Variants in MUC17 observed in about 807,000 individuals in gnomAD.
MUC17 encodes mucin-17.
MUC17 carries 190 observed loss-of-function variants against 170.3 expected under a neutral mutation model. The observed-to-expected ratio is 1.12, with a 90% confidence interval of 0.99 to 1.26. MUC17 has a LOEUF of 1.26. Among genes scored for constraint, MUC17 ranks in the 50% most tolerant of loss-of-function variants. The pLI, the probability that MUC17 is intolerant of heterozygous loss-of-function variation, is 0.00. For missense variants in MUC17, 6,415 were observed against 5,530.0 expected (o/e 1.16, Z -5.08); for synonymous variants, 2,325 against 2,002.5 (o/e 1.16, Z -4.30).
rs745773871 is a variant in MUC17 at position 101,040,187 on chromosome 7, G to GT, written c.8772dup (p.Glu2925Ter). On this transcript the variant is annotated frameshift_variant, in exon 3 of 13. Transcript: ENST00000306151. LOFTEE classifies it high-confidence loss of function. ...ACCAGCATGCCAATCTCAACTCCTA[G>GT]TGAAGTAAGTACTCCATTAACAAGT... 12 of 1,612,876 alleles carry GT rather than the reference G, an allele frequency of 7.4e-6. No homozygotes were observed. The South Asian group carries it at 1.2e-4, about 16-fold the overall frequency.
rs73402901 is a variant in MUC17 at position 101,041,394 on chromosome 7, C to T, written c.9978C>T (p.Asp3326=). The T allele has an allele frequency of 1.9e-3, 3,110 of 1,611,448 alleles. 48 individuals carry two copies. The African/African-American group carries it at 0.033, about 17-fold the overall frequency. The part of the protein sequence containing the change: ...SQASSSPPIA[D]GTSMPTSTYS... ...CCAGTTCATCTCCTCCAATTGCTGA[C>T]GGTACTAGCATGCCAACCTCAACTT... Residue 3326 remains aspartate (D), a synonymous_variant, in exon 3 of 13, where the codon GAC becomes GAT. Transcript: ENST00000306151.
At chr7:101,049,145 C>T (rs1430437486) in intron 5 of MUC17, among the ~76,000 whole-genome samples, 173 bp downstream of exon 5, 1 of 152,170 alleles carries the variant, frequency 6.6e-6, no homozygotes, top group Non-Finnish European at 1.5e-5. Flanking sequence ...CCAGGTTTTA[C>T]CTGGGGGCTG....
chr7:101,046,437 C>T lies in MUC17; in HGVS notation c.12404-1547C>T, dbSNP rs1005666250. ...TAGAGTTGGCTATCACTACTTCCTA[C>T]CTATTTAAACTAAGAGGAGTTTATT... On this transcript the variant is annotated intron_variant, in intron 3 of 12. Coordinates refer to ENST00000306151, the MANE Select transcript of MUC17 (RefSeq NM_001040105.2). Among the ~76,000 whole-genome samples, 4 of 152,288 alleles carry T rather than the reference C, an allele frequency of 2.6e-5. No individual in the cohort carries two copies. In the East Asian group the frequency reaches 7.7e-4, roughly 29 times the overall value.
In MUC17 at chr7:101,042,839, C is replaced by G; in HGVS notation, c.11423C>G (p.Thr3808Ser). ...LEGTTTMPMS[T>S]TSERSTLLTT... is the part of the protein sequence containing the mutation. The stretch of plus-strand genomic sequence containing the variant: ...GGCACCACCACCATGCCTATGTCAA[C>G]TACGAGTGAAAGAAGCACTTTATTG... The change falls in exon 3 of 13, where the codon ACT (threonine) becomes AGT (serine). Residue 3808 changes from threonine to serine, a missense_variant. By Grantham distance (58) the Thr-to-Ser change is moderately conservative (BLOSUM62 1). Transcript: ENST00000306151. 1.2e-6 allele frequency: 2 copies of G among 1,614,180 alleles called. No individual in the cohort carries two copies. Among genetic ancestry groups the G allele is most frequent in the Non-Finnish European group, 1.7e-6 (2 of 1,180,024 alleles).
intron 1 of MUC17, among the ~76,000 whole-genome samples, chr7:101,028,902 A>G (rs768366180): frequency 4.1e-4 from 62 of 150,194 alleles, no homozygotes; most frequent in Non-Finnish European, 5.0e-4. Flanking sequence ...AAATTAATAA[A>G]TAAGTCCGGA....
intron 3 of MUC17, 44 bp from the exon 4 acceptor site, chr7:101,047,940 C>G: frequency 6.5e-7 from 1 of 1,533,628 alleles, no homozygotes; most frequent in South Asian, 1.3e-5. Context: ...TGAGGTGCCT[C>G]AATGGAGGAA....
In MUC17 at chr7:101,037,089, C is replaced by G; in HGVS notation, c.5673C>G (p.Pro1891=). ...SSETNTLSTT[P]AVTSTPVTTY... ...AAACCAACACCCTTTCAACAACTCC[C>G]GCTGTCACCAGCACACCTGTGACCA... The change falls in exon 3 of 13, where the codon CCC becomes CCG. Residue 1891 remains proline, a synonymous_variant. Transcript: ENST00000306151. The G allele has an allele frequency of 1.9e-6, 3 of 1,572,266 alleles. No individual in the cohort carries two copies. The highest frequency in any genetic ancestry group is 3.0e-5 in the African/African-American group (2 of 67,490).
chr7:101,041,938 C>A lies in MUC17; in HGVS notation c.10522C>A (p.Pro3508Thr), dbSNP rs113518144. Residue 3508 changes from proline to threonine, a missense_variant, in exon 3 of 13, where the codon CCA becomes ACA. Pro to Thr is a conservative substitution (Grantham distance 38). Coordinates refer to ENST00000306151, the MANE Select transcript of MUC17 (RefSeq NM_001040105.2). The part of the protein sequence containing the change: ...SPTTAEVTSM[P>T]TSTAGEGSTP... The stretch of plus-strand genomic sequence containing the variant: ...TACAACTGCTGAAGTTACCAGCATG[C>A]CAACATCAACTGCTGGTGAAGGAAG... The A allele has an allele frequency of 2.0e-3, 3,297 of 1,613,462 alleles. 66 individuals carry two copies. The African/African-American group carries it at 0.039, about 19-fold the overall frequency.
chr7:101,028,726 A>AG (rs1562801623), intron 1 of MUC17, among the ~76,000 whole-genome samples: 1 of 151,930 alleles, frequency 6.6e-6, no homozygotes, highest in Non-Finnish European at 1.5e-5. Context: ...AAAAAAAAAA[A>AG]ACTTTTAAAA....
At position 101,058,246 on chromosome 7, in the gene MUC17, G is replaced by A. The variant is rs926773317; in HGVS notation, c.*202G>A. The stretch of plus-strand genomic sequence containing the variant: ...ATAGAAACCCGTGGACGCTCCAATG[G>A]GCTTGTCATGATATCAGGCTAGGCT... On this transcript the variant is annotated 3_prime_UTR_variant, in exon 13 of 13. Transcript: ENST00000306151. The A allele has an allele frequency of 6.0e-5, 26 of 430,950 alleles. No homozygotes were observed. Among genetic ancestry groups the A allele is most frequent in the Non-Finnish European group, 1.1e-4 (26 of 240,056 alleles). 26.7% of individuals were successfully genotyped at this position (430,950 alleles called of 1,614,324 possible).
chr7:101,051,466 C>T (rs965608118), intron 7 of MUC17, 147 bp from the exon 8 acceptor site: 13 of 667,742 alleles, frequency 1.9e-5, no homozygotes, highest in Non-Finnish European at 3.1e-5. Context: ...TCACTGGACG[C>T]GAGGCTGATG....
intron 1 of MUC17, among the ~76,000 whole-genome samples, chr7:101,026,202 G>A (rs1794175920): frequency 6.6e-6 from 1 of 152,220 alleles, no homozygotes; most frequent in African/African-American, 2.4e-5. Flanking sequence ...TGGAGTGAAG[G>A]TGCTCACGGG....
rs758786108 is a variant in MUC17, at chr7:101,034,292, C to T, written c.2876C>T (p.Thr959Ile). 17 of 1,610,178 alleles carry T rather than the reference C, an allele frequency of 1.1e-5. No homozygotes were observed. The Middle Eastern group carries it at 5.0e-4, about 47-fold the overall frequency. Residue 959 changes from threonine to isoleucine, a missense_variant, in exon 3 of 13, where the codon ACT becomes ATT. By Grantham distance (89) the Thr-to-Ile change is moderately conservative. Transcript: ENST00000306151. ...VDTSTPVTTS[T>I]EATSSPTTAE... ...ACCAGCACACCTGTGACCACTTCTA[C>T]TGAAGCCACTTCATCTCCTACAACT...
rs1444951723 is a variant in MUC17, at chr7:101,041,577, C to A, written c.10161C>A (p.Thr3387=). The change falls in exon 3 of 13, where the codon ACC becomes ACA. Residue 3387 remains threonine, a synonymous_variant. Coordinates refer to ENST00000306151, the MANE Select transcript of MUC17 (RefSeq NM_001040105.2). The part of the protein sequence containing the change: ...ASLSPTTAEG[T]SIPTSSPSEG... ...TATCTCCTACAACTGCTGAAGGTACCAGCATACCAACCTCAAGTCCTAGTG... is the reference window on the plus strand; with the variant it reads ...TATCTCCTACAACTGCTGAAGGTACAAGCATACCAACCTCAAGTCCTAGTG... 2.5e-6 allele frequency: 4 copies of A among 1,613,200 alleles called. No individual in the cohort carries two copies. The highest frequency in any genetic ancestry group is 1.1e-5 in the South Asian group (1 of 91,054).
Position 101,033,490 on chromosome 7 carries a change from A to G in MUC17, c.2074A>G (p.Ser692Gly), listed in dbSNP as rs1794357356. The G allele has an allele frequency of 2.5e-6, 4 of 1,613,848 alleles. No homozygotes were observed. Among genetic ancestry groups the G allele is most frequent in the East Asian group, 4.5e-5 (2 of 44,848 alleles). Reference sequence around the variant, plus strand: ...TACTGAAGGAAGCACTCCATTAACAAGTATGCCTGTCAACACCACACTGGT... The same window carrying G: ...TACTGAAGGAAGCACTCCATTAACAGGTATGCCTGTCAACACCACACTGGT... ...TYTEGSTPLT[S>G]MPVNTTLVAS... is the part of the protein sequence containing the mutation. The change falls in exon 3 of 13, where the codon AGT becomes GGT. Residue 692 changes from serine (S) to glycine (G), a missense_variant. Physicochemically the swap from Ser to Gly is moderately conservative, Grantham distance 56. Coordinates refer to ENST00000306151, the MANE Select transcript of MUC17 (RefSeq NM_001040105.2).
In MUC17 at chr7:101,024,645, A is replaced by G. The variant is rs114915714; in HGVS notation, c.82+4428A>G. Among the ~76,000 whole-genome samples, 846 of 150,456 alleles carry G rather than the reference A, an allele frequency of 5.6e-3. 7 individuals are homozygous for G. Among genetic ancestry groups the G allele is most frequent in the African/African-American group, 0.019 (779 of 40,750 alleles). ...GCTTTGGCTTCAACATGAACAATCTATTTCTCTGTAATTGGTCAAAATTAA... is the reference window on the plus strand; with the variant it reads ...GCTTTGGCTTCAACATGAACAATCTGTTTCTCTGTAATTGGTCAAAATTAA... On this transcript the variant is annotated intron_variant, in intron 1 of 12. Transcript: ENST00000306151.
rs1235134912 is a variant in MUC17 at position 101,042,621 on chromosome 7, T to C, written c.11205T>C (p.Ser3735=). ...VTTSTEAISS[S]ATLDSTTMSV... ...CTTCTACTGAAGCCATTTCATCTTC[T>C]GCAACTCTTGACAGCACCACCATGT... The change falls in exon 3 of 13, where the codon TCT becomes TCC. Residue 3735 remains serine, a synonymous_variant. Coordinates refer to ENST00000306151, the MANE Select transcript of MUC17 (RefSeq NM_001040105.2). The C allele has an allele frequency of 8.1e-6, 13 of 1,614,016 alleles. No individual in the cohort carries two copies. The highest frequency in any genetic ancestry group is 1.6e-4 in the Middle Eastern group (1 of 6,084).
chr7:101,022,690 G>A (rs185041987), intron 1 of MUC17, among the ~76,000 whole-genome samples: 8 of 152,144 alleles, frequency 5.3e-5, no homozygotes, highest in African/African-American at 1.9e-4. Flanking sequence ...GGTGGTACAC[G>A]CCTGTGTCCC....
Position 101,036,975 on chromosome 7 carries a change from A to G in MUC17, c.5559A>G (p.Glu1853=). Residue 1853 remains glutamate (E), a synonymous_variant, in exon 3 of 13, where the codon GAA becomes GAG. Transcript: ENST00000306151. ...TAVSSSPTPA[E]GTSIATSTPS... is the part of the protein sequence containing the mutation. ...TCAGTTCATCTCCTACACCTGCTGA[A>G]GGTACCAGCATAGCAACCTCAACGC... 2 of 1,577,142 alleles carry G rather than the reference A, an allele frequency of 1.3e-6. No individual in the cohort carries two copies. Among genetic ancestry groups the G allele is most frequent in the Non-Finnish European group, 1.7e-6 (2 of 1,178,878 alleles).
Sources: gnomAD v4.1 joint callset for allele counts (sites outside exome capture counted in the v4.1 genomes callset) on GRCh38, gnomAD v4.1.1 for gene constraint, MANE v1.5 for transcripts, NCBI Gene and HGNC (gene_info 2026-07-23, HGNC 2026-07-21) for gene names.